Variants in PLEKHJ1 observed in about 807,000 individuals in gnomAD.
PLEKHJ1 encodes the protein pleckstrin homology domain containing J1.
In PLEKHJ1, 20 loss-of-function variants were observed where a neutral mutation model predicts 21.7. The observed-to-expected ratio is 0.92, with a 90% CI of 0.65 to 1.34. The LOEUF is 1.34. PLEKHJ1 is among the 40% of genes most tolerant of loss of function. The pLI, the probability that PLEKHJ1 is intolerant of heterozygous loss-of-function variation, is 0.00. For missense variants in PLEKHJ1, 241 were observed against 202.0 expected, an observed-to-expected ratio of 1.19 and a Z score of -1.17; for synonymous variants, 113 against 80.6, an observed-to-expected ratio of 1.40 and a Z score of -2.15.
intron 3 of PLEKHJ1, chr19:2,235,428 A>C: frequency 3.3e-6 from 1 of 300,154 alleles, no homozygotes. Context: ...GGGCCATATA[A>C]CAATGCTAGA....
At position 2,234,076 on chromosome 19, in the gene PLEKHJ1, G is replaced by A; in HGVS notation, c.321-15C>T. Reference sequence around the variant, plus strand: ...TGAACTCGTAGCTGGGGAAAAGGGTGGCACGGGGTCAAATGCCCGCTCTGC... The same window carrying A: ...TGAACTCGTAGCTGGGGAAAAGGGTAGCACGGGGTCAAATGCCCGCTCTGC... On this transcript the variant is annotated splice_polypyrimidine_tract_variant and intron_variant, in intron 4 of 5. Transcript: ENST00000326631. 1 of 1,613,488 alleles carries A rather than the reference G, an allele frequency of 6.2e-7. No homozygotes were observed.
downstream of PLEKHJ1, chr19:2,232,251 G>A (rs113642925): frequency 1.3e-4 from 29 of 218,444 alleles, no homozygotes; most frequent in Non-Finnish European, 2.2e-4. Context: ...CGGCCCATGA[G>A]GCACGCACAG....
Position 2,235,978 on chromosome 19 carries a change from C to T in PLEKHJ1, c.107G>A (p.Arg36Gln), listed in dbSNP as rs780751899. Reference protein sequence around the residue: ...GPKKGSVLKRRLVKLVVNFLF... With the variant: ...GPKKGSVLKRQLVKLVVNFLF... ...GAAATTCACCACCAGCTTCACCAGC[C>T]GCCGCTTCAGCACTGCGGGCACAGC... Residue 36 changes from arginine to glutamine, a missense_variant, in exon 2 of 6, where the codon CGG (arginine) becomes CAG (glutamine). By Grantham distance (43) the Arg-to-Gln change is conservative. Coordinates refer to ENST00000326631, the MANE Select transcript of PLEKHJ1 (RefSeq NM_018049.3). 33 of 1,610,394 alleles carry T rather than the reference C, an allele frequency of 2.0e-5. No homozygotes were observed. The highest frequency in any genetic ancestry group is 1.7e-4 in the Middle Eastern group (1 of 6,060).
At position 2,233,549 on chromosome 19, in the gene PLEKHJ1, T is replaced by C. The variant is rs1025102917; in HGVS notation, c.*291A>G. 12 of 505,148 alleles carry C rather than the reference T, an allele frequency of 2.4e-5. No individual in the cohort carries two copies. The highest frequency in any genetic ancestry group is 1.7e-4 in the African/African-American group (9 of 51,804). 31.3% of individuals were successfully genotyped at this position (505,148 alleles called of 1,614,324 possible). A position where few individuals can be genotyped will look rare whatever the true frequency, so the allele number is the denominator to read the frequency against. ...CACCCACCTGGCTTCAGGCTTTGGA[T>C]GTCTCCAAACCAAAAACCTCCCACT... On this transcript the variant is annotated 3_prime_UTR_variant, in exon 6 of 6. Coordinates refer to ENST00000326631, the MANE Select transcript of PLEKHJ1 (RefSeq NM_018049.3).
At chr19:2,232,421 C>G (rs1405357078), downstream of PLEKHJ1, 1 of 214,336 alleles carries the variant, frequency 4.7e-6, no homozygotes, top group Admixed American at 5.9e-5. Context: ...GCCTTTGTAA[C>G]GTGGGAGGCT....
At position 2,233,712 on chromosome 19, in the gene PLEKHJ1, G is replaced by A; in HGVS notation, c.*128C>T. 1 of 804,678 alleles carries A rather than the reference G, an allele frequency of 1.2e-6. No individual in the cohort carries two copies. 49.8% of individuals were successfully genotyped at this position (804,678 alleles called of 1,614,324 possible). On this transcript the variant is annotated 3_prime_UTR_variant, in exon 6 of 6. Coordinates refer to ENST00000326631, the MANE Select transcript of PLEKHJ1 (RefSeq NM_018049.3). ...TGTGGCACCACTGCACTCTAGCCTG[G>A]GCAACACAGTGAAACCCTGACCCAA...
Position 2,233,812 on chromosome 19 carries a change from G to T in PLEKHJ1, c.*28C>A. 6.4e-7 allele frequency: 1 copy of T among 1,572,160 alleles called. No homozygotes were observed. ...GGCTGGGCAGGGCCAGTCCCGTCCC[G>T]CTGCACGCTGACCACCGTGCCCTGC... On this transcript the variant is annotated 3_prime_UTR_variant, in exon 6 of 6. Transcript: ENST00000326631.
At position 2,234,029 on chromosome 19, in the gene PLEKHJ1, TAGA is replaced by T. The variant is rs748906370; in HGVS notation, c.350_352del (p.Phe117del). 3.7e-6 allele frequency: 6 copies of T among 1,613,516 alleles called. No individual in the cohort carries two copies. The highest frequency in any genetic ancestry group is 1.3e-5 in the African/African-American group (1 of 75,048). On this transcript the variant is annotated inframe_deletion, in exon 5 of 6. Coordinates refer to ENST00000326631, the MANE Select transcript of PLEKHJ1 (RefSeq NM_018049.3). ...CGTCACCTTCCGGATTTCGTTCCTG[TAGA>T]AGATGAGGCTTCTCCGCATGAACTC...
At chr19:2,231,406 G>A, downstream of PLEKHJ1, 1 of 204,914 alleles carries the variant, frequency 4.9e-6, no homozygotes, top group Non-Finnish European at 1.0e-5. Flanking sequence ...ACGGAGGAAA[G>A]GCTTCTGTGG....
chr19:2,236,129 G>C, intron 1 of PLEKHJ1, 26 bp downstream of exon 1: 2 of 1,460,064 alleles, frequency 1.4e-6, no homozygotes, highest in Non-Finnish European at 1.8e-6. Context: ...CCCTGGCACT[G>C]TCTCGGTCTC....
chr19:2,234,746 T>C (rs1463010541), intron 3 of PLEKHJ1: 1 of 154,240 alleles, frequency 6.5e-6, no homozygotes, highest in Non-Finnish European at 1.4e-5. Flanking sequence ...AAGACCGTAA[T>C]CCCAGCACTT....
At chr19:2,234,097 T>C (rs772789015) in intron 4 of PLEKHJ1, 36 bp from the exon 5 acceptor site, 6 of 1,612,734 alleles carry the variant, frequency 3.7e-6, no homozygotes, top group Non-Finnish European at 5.1e-6. Flanking sequence ...AAATGCCCGC[T>C]CTGCATGGCT....
chr19:2,231,162 CCTCCCTGGAGGA>C (rs1234625248), downstream of PLEKHJ1: 1 of 227,650 alleles, frequency 4.4e-6, no homozygotes, highest in Admixed American at 5.7e-5. Flanking sequence ...GGCTCTGTGC[CCTCCCTGGAGGA>C]TGGGATCTGG....
chr19:2,235,460 G>A (rs560851925), intron 3 of PLEKHJ1: 56 of 450,230 alleles, frequency 1.2e-4, no homozygotes, highest in African/African-American at 1.1e-3. Flanking sequence ...CTTGGCAGCT[G>A]GGGAAACGCT....
chr19:2,235,730 G>A (rs938661349), intron 3 of PLEKHJ1, 32 bp downstream of exon 3: 1 of 1,538,238 alleles, frequency 6.5e-7, no homozygotes. Flanking sequence ...CGGGCTGCGG[G>A]AAGCGCCGCT....
In PLEKHJ1 at chr19:2,236,144, G is replaced by T; in HGVS notation, c.94+11C>A. The T allele has an allele frequency of 6.8e-7, 1 of 1,472,076 alleles. No homozygotes were observed. Among genetic ancestry groups the T allele is most frequent in the Non-Finnish European group, 9.0e-7 (1 of 1,113,720 alleles). 91.2% of individuals were successfully genotyped at this position (1,472,076 alleles called of 1,614,324 possible). On this transcript the variant is annotated intron_variant, in intron 1 of 5. Transcript: ENST00000326631. ...CCCTGGCACTGTCTCGGTCTCCCGGGTCCCGCTCACCGCTGCCCTTCTTGG... is the reference window on the plus strand; with the variant it reads ...CCCTGGCACTGTCTCGGTCTCCCGGTTCCCGCTCACCGCTGCCCTTCTTGG...
downstream of PLEKHJ1, chr19:2,230,119 G>A: frequency 1.9e-6 from 1 of 527,424 alleles, no homozygotes; most frequent in East Asian, 3.2e-5. Context: ...ACACGTGTCT[G>A]CAGGGCGGGC....
chr19:2,231,030 C>A, downstream of PLEKHJ1: 1 of 236,432 alleles, frequency 4.2e-6, no homozygotes, highest in Non-Finnish European at 8.3e-6. Context: ...GCAGCCTTGG[C>A]GGGTGCCTGG....
chr19:2,235,443 T>C (rs1023092531), intron 3 of PLEKHJ1: 2 of 414,018 alleles, frequency 4.8e-6, no homozygotes, highest in African/African-American at 2.1e-5. Context: ...GCTAGACCCA[T>C]GCTACTCTTG....
Sources: gnomAD v4.1 joint callset for allele counts on GRCh38, gnomAD v4.1.1 for gene constraint, MANE v1.5 for transcripts, NCBI Gene and HGNC (gene_info 2026-07-23, HGNC 2026-07-21) for gene names.